RAD23B: variants seen among roughly 807,000 people sequenced by gnomAD.
RAD23B encodes the protein lysine-specific demethylase RAD23B.
Under a neutral mutation model 49.1 loss-of-function variants are expected in RAD23B, and 5 were observed. The observed-to-expected ratio is 0.10, with a 90% CI of 0.05 to 0.21. The LOEUF (loss-of-function observed/expected upper bound fraction) is 0.21, where lower values mean the gene tolerates loss of function less well. Among genes scored for constraint, RAD23B ranks in the 10% least tolerant of loss-of-function variants. The pLI, the probability that RAD23B is intolerant of heterozygous loss-of-function variation, is 1.00. For missense variants in RAD23B, 356 were observed against 486.7 expected, an observed-to-expected ratio of 0.73 and a Z score of 2.53; for synonymous variants, 184 against 165.4, an observed-to-expected ratio of 1.11 and a Z score of -0.86.
chr9:107,307,737 T>G (rs1826806988), intron 4 of RAD23B, among the ~76,000 whole-genome samples: 1 of 152,188 alleles, frequency 6.6e-6, no homozygotes, highest in East Asian at 1.9e-4. Context: ...TTTGGAGGAG[T>G]CTGAGCCACC....
chr9:107,289,950 A>G (rs1174127876), intron 1 of RAD23B, among the ~76,000 whole-genome samples: 1 of 152,278 alleles, frequency 6.6e-6, no homozygotes, highest in Non-Finnish European at 1.5e-5. Flanking sequence ...GCTTAAATTT[A>G]TGAACATTAA....
intron 6 of RAD23B, 122 bp from the exon 7 acceptor site, chr9:107,321,861 A>G (rs2133094751): frequency 9.4e-7 from 1 of 1,060,876 alleles, no homozygotes; most frequent in Non-Finnish European, 1.3e-6. Flanking sequence ...TAATTGAAGC[A>G]GACATCTGTT....
Position 107,318,452 on chromosome 9 carries a change from C to T in RAD23B, c.554-300C>T, listed in dbSNP as rs766229901. On this transcript the variant is annotated intron_variant, in intron 5 of 9. Coordinates refer to ENST00000358015, the MANE Select transcript of RAD23B (RefSeq NM_002874.5). The surrounding 1 kb of genome is among the most constrained non-coding windows in gnomAD (Gnocchi z 4.3). ...AGGATTCATGTCATTACACTGGACC[C>T]ACCTGGATAATCCAGAATGAGGTCT... Among the ~76,000 whole-genome samples the T allele has an allele frequency of 3.9e-5, 6 of 152,190 alleles. No homozygotes were observed. Among genetic ancestry groups the T allele is most frequent in the South Asian group, 4.1e-4 (2 of 4,832 alleles).
intron 4 of RAD23B, among the ~76,000 whole-genome samples, chr9:107,310,270 A>G (rs917876759): frequency 1.3e-5 from 2 of 152,208 alleles, no homozygotes; most frequent in Non-Finnish European, 2.9e-5. Context: ...GCCATAAGCT[A>G]ATGGAGAACA....
chr9:107,310,886 T>C (rs1826876135), intron 4 of RAD23B, among the ~76,000 whole-genome samples: 1 of 152,226 alleles, frequency 6.6e-6, no homozygotes, highest in African/African-American at 2.4e-5. Context: ...TCTGCTCTTA[T>C]TATGTACTAC....
chr9:107,288,540 G>A (rs1833321172), intron 1 of RAD23B, among the ~76,000 whole-genome samples: 1 of 152,122 alleles, frequency 6.6e-6, no homozygotes, highest in Non-Finnish European at 1.5e-5. Context: ...TCGCCTCTGG[G>A]GCTCAAGCGA....
At chr9:107,285,282 A>C (rs1262405213) in intron 1 of RAD23B, among the ~76,000 whole-genome samples, 1 of 152,194 alleles carries the variant, frequency 6.6e-6, no homozygotes, top group East Asian at 1.9e-4. Context: ...GAAGGGTGAA[A>C]GTTAAAATGG....
At chr9:107,308,566 C>G (rs1826830056) in intron 4 of RAD23B, among the ~76,000 whole-genome samples, 1 of 152,122 alleles carries the variant, frequency 6.6e-6, no homozygotes, top group African/African-American at 2.4e-5. Context: ...TTTTACTTAC[C>G]TATTCTAAAA....
Position 107,318,897 on chromosome 9 carries a change from C to G in RAD23B, c.681+18C>G. The G allele has an allele frequency of 2.5e-6, 4 of 1,598,482 alleles. No homozygotes were observed. Among genetic ancestry groups the G allele is most frequent in the Non-Finnish European group, 3.4e-6 (4 of 1,170,866 alleles). On this transcript the variant is annotated intron_variant, in intron 6 of 9. Coordinates refer to ENST00000358015, the MANE Select transcript of RAD23B (RefSeq NM_002874.5). This position sits in a 1 kb window ranked among gnomAD's most constrained non-coding sequence, Gnocchi z 4.3. Reference sequence around the variant, plus strand: ...TTTTAATGGTGAGAAATATGTTTTACTTTACTCCATTCTGTTGTTTAAGAT... The same window carrying G: ...TTTTAATGGTGAGAAATATGTTTTAGTTTACTCCATTCTGTTGTTTAAGAT...
chr9:107,287,365 G>A (rs1587844646), intron 1 of RAD23B, among the ~76,000 whole-genome samples: 1 of 152,144 alleles, frequency 6.6e-6, no homozygotes, highest in East Asian at 1.9e-4. Flanking sequence ...ACAAAACTCA[G>A]TAAATTTGAG....
At chr9:107,294,640 T>C (rs1434666603) in intron 1 of RAD23B, among the ~76,000 whole-genome samples, 3 of 152,248 alleles carry the variant, frequency 2.0e-5, no homozygotes, top group Non-Finnish European at 4.4e-5. Flanking sequence ...AGGGATGATT[T>C]AAACAAAGTA....
chr9:107,298,948 G>A (rs1587850865), intron 1 of RAD23B, among the ~76,000 whole-genome samples: 1 of 152,134 alleles, frequency 6.6e-6, no homozygotes, highest in East Asian at 2.0e-4. Context: ...CAGAATAGCA[G>A]TGATGCTACT....
At chr9:107,292,459 T>G (rs1282974645) in intron 1 of RAD23B, among the ~76,000 whole-genome samples, 5 of 152,040 alleles carry the variant, frequency 3.3e-5, no homozygotes, top group Admixed American at 3.3e-4. Flanking sequence ...GGTGGGCGGA[T>G]CACGAGGTCA....
chr9:107,295,509 A>G (rs2133068955), intron 1 of RAD23B, among the ~76,000 whole-genome samples: 1 of 152,316 alleles, frequency 6.6e-6, no homozygotes, highest in South Asian at 2.1e-4. Context: ...TCTGGATGCA[A>G]CAAAGTTAGA....
intron 6 of RAD23B, among the ~76,000 whole-genome samples, chr9:107,319,169 C>T (rs1421554016): frequency 4.8e-5 from 6 of 124,284 alleles, no homozygotes; most frequent in Admixed American, 2.1e-4. Context: ...CTCGCTCTGT[C>T]GCCCAGACTG....
chr9:107,302,234 T>C (rs1255217049), intron 3 of RAD23B, 120 bp downstream of exon 3: 3 of 1,309,922 alleles, frequency 2.3e-6, no homozygotes, highest in Non-Finnish European at 3.0e-6. Context: ...ACTTAACTAC[T>C]ATGAAAGGTT....
chr9:107,328,956 A>G (rs1283147333), intron 9 of RAD23B, among the ~76,000 whole-genome samples: 1 of 152,218 alleles, frequency 6.6e-6, no homozygotes, highest in East Asian at 1.9e-4. Context: ...ATAGAACATT[A>G]TCTTCAAAAT....
At chr9:107,284,684 C>G (rs1286633363) in intron 1 of RAD23B, 1 of 1,094,226 alleles carries the variant, frequency 9.1e-7, no homozygotes, top group African/African-American at 1.6e-5. Flanking sequence ...AAATACACCG[C>G]CAAGATTGTC....
intron 4 of RAD23B, among the ~76,000 whole-genome samples, chr9:107,308,263 G>A (rs1045660782): frequency 3.4e-5 from 5 of 149,066 alleles, no homozygotes; most frequent in Non-Finnish European, 7.4e-5. Context: ...CTGCCACCCA[G>A]GCAGGAGTGC....
Sources: allele counts gnomAD v4.1 joint callset (sites outside exome capture counted in the v4.1 genomes callset), GRCh38; gene constraint gnomAD v4.1.1; non-coding constraint Gnocchi (gnomAD v3.1); transcripts MANE v1.5; gene names NCBI Gene and HGNC (gene_info 2026-07-23, HGNC 2026-07-21).